TBCD: variants seen among roughly 807,000 people sequenced by gnomAD.
TBCD encodes tubulin folding cofactor D.
Under a neutral mutation model 169.3 loss-of-function variants are expected in TBCD, and 105 were observed. That is an observed-to-expected ratio of 0.62 (90% CI 0.53 to 0.73). TBCD has a LOEUF of 0.73. Ranked by LOEUF, TBCD falls within the 30% of genes least tolerant of loss-of-function variation. The pLI, the probability that TBCD is intolerant of heterozygous loss-of-function variation, is 0.00. For synonymous variants in TBCD, 700 were observed against 643.9 expected (o/e 1.09, Z -1.32); for missense variants, 1,444 against 1,600.1 (o/e 0.90, Z 1.66).
At chr17:82,757,636 A>T (rs1231324686) in intron 2 of TBCD, among the ~76,000 whole-genome samples, 1 of 145,530 alleles carries the variant, frequency 6.9e-6, no homozygotes, top group African/African-American at 2.8e-5. Flanking sequence ...AAAAAAAAAA[A>T]CCAAAAAAAA....
At chr17:82,908,649 C>T (rs540666659) in intron 21 of TBCD, among the ~76,000 whole-genome samples, 1 of 152,322 alleles carries the variant, frequency 6.6e-6, no homozygotes, top group East Asian at 1.9e-4. Flanking sequence ...TGGTGTCTGG[C>T]CTCCCCCTCT....
intron 1 of TBCD, among the ~76,000 whole-genome samples, chr17:82,752,860 CA>C (rs890434149): frequency 2.0e-5 from 3 of 152,138 alleles, no homozygotes; most frequent in South Asian, 2.1e-4. Context: ...ACGCAGGGAA[CA>C]AACCTGCTGC....
intron 1 of TBCD, among the ~76,000 whole-genome samples, chr17:82,752,665 C>T (rs1334797333): frequency 6.6e-6 from 1 of 152,136 alleles, no homozygotes; most frequent in Admixed American, 6.5e-5. Flanking sequence ...CCCCGGGAGG[C>T]GGGGTGCAGA....
At chr17:82,826,779 T>G (rs1303126726) in intron 13 of TBCD, among the ~76,000 whole-genome samples, 11 of 151,622 alleles carry the variant, frequency 7.3e-5, no homozygotes, top group Non-Finnish European at 1.5e-5. Flanking sequence ...TGCTTTTTAT[T>G]TATGTATTTT....
chr17:82,843,687 G>A (rs1462377874), intron 13 of TBCD, among the ~76,000 whole-genome samples: 1 of 150,382 alleles, frequency 6.6e-6, no homozygotes, highest in African/African-American at 2.5e-5. Flanking sequence ...AGTATGCTTT[G>A]CCCCAAACAC....
intron 13 of TBCD, among the ~76,000 whole-genome samples, chr17:82,829,108 C>A (rs867004254): frequency 1.3e-5 from 2 of 150,766 alleles, no homozygotes; most frequent in Admixed American, 1.3e-4. Flanking sequence ...ATGCGCACCC[C>A]CCACAGATAT....
chr17:82,891,118 C>T (rs980516266), intron 16 of TBCD, among the ~76,000 whole-genome samples: 1 of 152,212 alleles, frequency 6.6e-6, no homozygotes, highest in African/African-American at 2.4e-5. Flanking sequence ...TTCCGGGTTC[C>T]CAGATGCTGC....
chr17:82,923,327 C>T lies in TBCD; in HGVS notation c.2179-325C>T, dbSNP rs1341025666. Among the ~76,000 whole-genome samples, 1 of 152,194 alleles carries T rather than the reference C, an allele frequency of 6.6e-6. No homozygotes were observed. The highest frequency in any genetic ancestry group is 1.5e-5 in the Non-Finnish European group (1 of 68,040). On this transcript the variant is annotated intron_variant, in intron 25 of 38. Coordinates refer to ENST00000355528, the MANE Select transcript of TBCD (RefSeq NM_005993.5). The surrounding 1 kb of genome is among the most constrained non-coding windows in gnomAD (Gnocchi z 4.6). Reference sequence around the variant, plus strand: ...TGACAGATGATGGTGAGCAGGCGTGCTGGAAAGGAGTAGCATGACTTAGGG... The same window carrying T: ...TGACAGATGATGGTGAGCAGGCGTGTTGGAAAGGAGTAGCATGACTTAGGG...
intron 14 of TBCD, among the ~76,000 whole-genome samples, chr17:82,871,033 C>G (rs1359932310): frequency 6.6e-6 from 1 of 152,212 alleles, no homozygotes; most frequent in Non-Finnish European, 1.5e-5. Flanking sequence ...TAGGGAGACA[C>G]TTTTTCCCTC....
At chr17:82,776,473 C>G (rs1481745889) in intron 6 of TBCD, among the ~76,000 whole-genome samples, 1 of 152,196 alleles carries the variant, frequency 6.6e-6, no homozygotes, top group Non-Finnish European at 1.5e-5. Context: ...TTCTTATACA[C>G]AGTGCGTGTA....
chr17:82,919,827 A>G lies in TBCD; in HGVS notation c.2039-729A>G, dbSNP rs557559527. The stretch of plus-strand genomic sequence containing the variant: ...TCCCTGTCCTGTGTGCAGGGACGCC[A>G]GGTGGACCGACGGCCTCCGCATCTG... On this transcript the variant is annotated intron_variant, in intron 23 of 38. Transcript: ENST00000355528. Among the ~76,000 whole-genome samples the G allele has an allele frequency of 4.6e-5, 7 of 152,306 alleles. No homozygotes were observed. In the East Asian group the frequency reaches 1.4e-3, roughly 29 times the overall value.
At position 82,884,023 on chromosome 17, in the gene TBCD, G is replaced by A. The variant is rs2058559474; in HGVS notation, c.1476-122G>A. 5 of 895,414 alleles carry A rather than the reference G, an allele frequency of 5.6e-6. No individual in the cohort carries two copies. The East Asian group carries it at 1.3e-4, about 24-fold the overall frequency. The allele number at this position is 895,414 out of a possible 1,614,324, so 55.5% of individuals were successfully genotyped here. Reference sequence around the variant, plus strand: ...GGGTGCCTCAAGCTGTGTGTTGCCTGTGGGGCATGTCTGAACCTCAAGTGG... The same window carrying A: ...GGGTGCCTCAAGCTGTGTGTTGCCTATGGGGCATGTCTGAACCTCAAGTGG... On this transcript the variant is annotated intron_variant, in intron 14 of 38. Transcript: ENST00000355528. The surrounding 1 kb of genome is among the most constrained non-coding windows in gnomAD (Gnocchi z 4.2).
rs1021830572 is a variant in TBCD at position 82,864,243 on chromosome 17, C to G, written c.1319-5981C>G. The G allele has an allele frequency of 6.6e-6, 1 of 152,232 alleles. No individual in the cohort carries two copies. Among genetic ancestry groups the G allele is most frequent in the African/African-American group, 2.4e-5 (1 of 41,462 alleles). The allele number at this position is 152,232 out of a possible 1,614,324, so 9.4% of individuals were successfully genotyped here. A position where few individuals can be genotyped will look rare whatever the true frequency, so the allele number is the denominator to read the frequency against. On this transcript the variant is annotated intron_variant, in intron 13 of 38. Coordinates refer to ENST00000355528, the MANE Select transcript of TBCD (RefSeq NM_005993.5). The surrounding 1 kb of genome is among the most constrained non-coding windows in gnomAD (Gnocchi z 6.3). ...TTCCAGGGCTCTTTGAAGCGTCTCA[C>G]TTTTTAATTTCATGAAGAAACAAAT... is the stretch of plus-strand genomic sequence containing the variant.
chr17:82,937,391 G>A lies in TBCD; in HGVS notation c.3281+31G>A, dbSNP rs557753634. 7 of 1,601,788 alleles carry A rather than the reference G, an allele frequency of 4.4e-6. No individual in the cohort carries two copies. The Admixed American group carries it at 8.3e-5, about 19-fold the overall frequency. ...TTTCAAGTGCTGCTGGCCTTAGACGGAATGGCAGGGCGCAGCCTCCCTTGG... is the reference window on the plus strand; with the variant it reads ...TTTCAAGTGCTGCTGGCCTTAGACGAAATGGCAGGGCGCAGCCTCCCTTGG... On this transcript the variant is annotated intron_variant, in intron 35 of 38. Coordinates refer to ENST00000355528, the MANE Select transcript of TBCD (RefSeq NM_005993.5).
chr17:82,941,739 C>T (rs753726318), intron 38 of TBCD: 6 of 515,798 alleles, frequency 1.2e-5, no homozygotes, highest in Non-Finnish European at 2.1e-5. Flanking sequence ...GAGCTGGCAC[C>T]AGCTTGATCC....
chr17:82,839,585 CTT>C (rs1485071721), intron 13 of TBCD, among the ~76,000 whole-genome samples: 1 of 152,200 alleles, frequency 6.6e-6, no homozygotes, highest in Admixed American at 6.5e-5. Flanking sequence ...ACCCTTACCT[CTT>C]GTTAGCATTT....
chr17:82,899,596 A>C (rs1330700612), intron 17 of TBCD, among the ~76,000 whole-genome samples: 4 of 152,260 alleles, frequency 2.6e-5, no homozygotes, highest in African/African-American at 9.6e-5. Flanking sequence ...TGAATAAAGC[A>C]GTTGTATATA....
At chr17:82,904,710 T>TA (rs1208182485) in intron 19 of TBCD, among the ~76,000 whole-genome samples, 1 of 152,192 alleles carries the variant, frequency 6.6e-6, no homozygotes, top group Admixed American at 6.5e-5. Flanking sequence ...TCAGTGGAGT[T>TA]ACTGATGTGA....
chr17:82,762,367 T>G (rs967069710), intron 2 of TBCD, among the ~76,000 whole-genome samples: 2 of 150,520 alleles, frequency 1.3e-5, no homozygotes, highest in South Asian at 2.1e-4. Context: ...TATGTACAAG[T>G]TTTTAGGTAG....
Sources: allele counts gnomAD v4.1 joint callset (sites outside exome capture counted in the v4.1 genomes callset), GRCh38; gene constraint gnomAD v4.1.1; non-coding constraint Gnocchi (gnomAD v3.1); transcripts MANE v1.5; gene names NCBI Gene and HGNC (gene_info 2026-07-23, HGNC 2026-07-21).